The following STAB2 variants were observed in gnomAD, a reference collection of about 807,000 sequenced individuals.
STAB2 encodes stabilin-2.
A neutral mutation model predicts 338.1 loss-of-function variants in STAB2; 288 were observed. The ratio of observed to expected loss-of-function variants is 0.85; its 90% CI spans 0.77 to 0.94. STAB2 has a LOEUF of 0.94. Among genes scored for constraint, STAB2 ranks in the 40% least tolerant of loss-of-function variants. STAB2 has a pLI of 0.00. For missense variants in STAB2, 3,141 were observed against 3,210.1 expected, an observed-to-expected ratio of 0.98 and a Z score of 0.52; for synonymous variants, 1,202 against 1,193.3, an observed-to-expected ratio of 1.01 and a Z score of -0.15.
intron 22 of STAB2, among the ~76,000 whole-genome samples, chr12:103,671,203 G>A (rs1450748896): frequency 6.6e-6 from 1 of 152,178 alleles, no homozygotes; most frequent in African/African-American, 2.4e-5. Context: ...TGTAATCCCA[G>A]CACTTTGGGA....
rs1202673508 is a variant in STAB2 at position 103,695,666 on chromosome 12, T to C, written c.3474+18T>C. 1.2e-6 allele frequency: 2 copies of C among 1,614,074 alleles called. No individual in the cohort carries two copies. The highest frequency in any genetic ancestry group is 2.7e-5 in the African/African-American group (2 of 74,928). Reference sequence around the variant, plus strand: ...ACATCATTGCAAGTACCACATTCTCTGCCTGACCACCATGCTCAGGTTACC... The same window carrying C: ...ACATCATTGCAAGTACCACATTCTCCGCCTGACCACCATGCTCAGGTTACC... On this transcript the variant is annotated intron_variant, in intron 32 of 68. Transcript: ENST00000388887.
At chr12:103,764,539 T>C (rs1348141763) in intron 68 of STAB2, among the ~76,000 whole-genome samples, 5 of 152,248 alleles carry the variant, frequency 3.3e-5, no homozygotes, top group African/African-American at 4.8e-5. Flanking sequence ...TGTAGTTTAA[T>C]ACCAGTTCTC....
At chr12:103,656,954 G>A (rs1267739610) in intron 15 of STAB2, among the ~76,000 whole-genome samples, 2 of 151,886 alleles carry the variant, frequency 1.3e-5, no homozygotes. Flanking sequence ...CCAAAGTGCT[G>A]GGATTACAGG....
intron 20 of STAB2, 60 bp from the exon 21 acceptor site, chr12:103,669,481 C>T (rs1875516464): frequency 2.1e-6 from 3 of 1,397,976 alleles, no homozygotes; most frequent in South Asian, 1.2e-5. Context: ...AATGCATCCC[C>T]TTTGAGGAAT....
At chr12:103,684,968 C>T (rs1393213958) in intron 26 of STAB2, 21 bp from the exon 27 acceptor site, 2 of 1,611,242 alleles carry the variant, frequency 1.2e-6, no homozygotes, top group Non-Finnish European at 1.7e-6. Flanking sequence ...GTAACCATTT[C>T]TTTCATCTTG....
At chr12:103,621,098 C>G (rs927703410) in intron 4 of STAB2, among the ~76,000 whole-genome samples, 1 of 151,516 alleles carries the variant, frequency 6.6e-6, no homozygotes, top group Non-Finnish European at 1.5e-5. Context: ...ACTCTGTCCA[C>G]CCCCACCCAA....
At chr12:103,588,043 C>T (rs1009417988) in intron 1 of STAB2, among the ~76,000 whole-genome samples, 1 of 152,156 alleles carries the variant, frequency 6.6e-6, no homozygotes, top group African/African-American at 2.4e-5. Context: ...AGTAAAAGTT[C>T]CCAGGGAGGT....
At chr12:103,762,165 T>G (rs1593358163) in intron 66 of STAB2, 109 bp from the exon 67 acceptor site, 2 of 1,446,014 alleles carry the variant, frequency 1.4e-6, no homozygotes, top group East Asian at 4.6e-5. Context: ...TGTTAACATG[T>G]CAGTATTTTT....
At chr12:103,765,276 A>G (rs1884855847) in intron 68 of STAB2, among the ~76,000 whole-genome samples, 1 of 152,136 alleles carries the variant, frequency 6.6e-6, no homozygotes, top group Admixed American at 6.5e-5. Context: ...ACCATGCATG[A>G]AAGATTTACC....
chr12:103,670,822 C>A lies in STAB2; in HGVS notation c.2371+15C>A. Reference sequence around the variant, plus strand: ...GTGTAACAAAAGTAAGTGGCACTTCCAGAGCTTCCTTCCACTCCTAAGCAA... The same window carrying A: ...GTGTAACAAAAGTAAGTGGCACTTCAAGAGCTTCCTTCCACTCCTAAGCAA... On this transcript the variant is annotated intron_variant, in intron 22 of 68. Transcript: ENST00000388887. 6.2e-7 allele frequency: 1 copy of A among 1,603,538 alleles called. No individual in the cohort carries two copies.
intron 52 of STAB2, among the ~76,000 whole-genome samples, chr12:103,736,975 C>G (rs1882181101): frequency 6.6e-6 from 1 of 152,106 alleles, no homozygotes; most frequent in Non-Finnish European, 1.5e-5. Flanking sequence ...AATAATATCT[C>G]CAAAGCCCAG....
intron 65 of STAB2, among the ~76,000 whole-genome samples, chr12:103,760,104 GTTC>G (rs753049015): frequency 2.6e-5 from 4 of 152,292 alleles, no homozygotes; most frequent in South Asian, 2.1e-4. Flanking sequence ...CAGTAAGGAT[GTTC>G]TTCTCTTCTG....
Position 103,677,460 on chromosome 12 carries a change from G to A in STAB2, c.2654G>A (p.Cys885Tyr). 2 of 1,608,976 alleles carry A rather than the reference G, an allele frequency of 1.2e-6. No homozygotes were observed. Among genetic ancestry groups the A allele is most frequent in the Non-Finnish European group, 1.7e-6 (2 of 1,175,658 alleles). ...TTTCTTTTCCTCCTGCAGGCAGAAT[G>A]CATCAAAACTGGCACGGGCACCCAC... ...TPGGCSRNAE[C>Y]IKTGTGTHTC... Residue 885 changes from cysteine to tyrosine, a missense_variant, in exon 25 of 69, where the codon TGC (cysteine) becomes TAC (tyrosine). Transcript: ENST00000388887.
At chr12:103,720,725 G>T (rs982336705) in intron 44 of STAB2, among the ~76,000 whole-genome samples, 3 of 152,130 alleles carry the variant, frequency 2.0e-5, no homozygotes, top group African/African-American at 7.2e-5. Flanking sequence ...GTTCATTTGT[G>T]CTGCTTTAAC....
chr12:103,688,207 T>G lies in STAB2; in HGVS notation c.3037T>G (p.Trp1013Gly). 6.2e-7 allele frequency: 1 copy of G among 1,613,522 alleles called. No homozygotes were observed. Among genetic ancestry groups the G allele is most frequent in the Non-Finnish European group, 8.5e-7 (1 of 1,179,458 alleles). The stretch of plus-strand genomic sequence containing the variant: ...CTCCGAAGCAGCTATATTTAACCGA[T>G]GGATAAATGTGAGTACCTTTATTGG... ...FLSEAAIFNR[W>G]INNASLQPTL... The change falls in exon 28 of 69, where the codon TGG (tryptophan) becomes GGG (glycine). Residue 1013 changes from tryptophan (W) to glycine (G), a missense_variant. Coordinates refer to ENST00000388887, the MANE Select transcript of STAB2 (RefSeq NM_017564.10).
chr12:103,728,996 G>A lies in STAB2; in HGVS notation c.5082+1G>A, dbSNP rs1255489436. 2 of 1,613,746 alleles carry A rather than the reference G, an allele frequency of 1.2e-6. No homozygotes were observed. Among genetic ancestry groups the A allele is most frequent in the Non-Finnish European group, 8.5e-7 (1 of 1,179,784 alleles). On this transcript the variant is annotated splice_donor_variant, in intron 48 of 68. Coordinates refer to ENST00000388887, the MANE Select transcript of STAB2 (RefSeq NM_017564.10). LOFTEE classifies it high-confidence loss of function. ...GCCAATAGTCATCTCCGTCTCTCAG[G>A]TAGATGCCAGTTATCCTTAGGTCCT... is the stretch of plus-strand genomic sequence containing the variant.
chr12:103,731,553 G>A (rs771864271), intron 49 of STAB2, 23 bp from the exon 50 acceptor site: 1 of 1,611,766 alleles, frequency 6.2e-7, no homozygotes, highest in South Asian at 1.1e-5. Flanking sequence ...AAAGTTTCAT[G>A]CCCATTCTTA....
At chr12:103,711,663 C>G in intron 40 of STAB2, 147 bp downstream of exon 40, 1 of 910,774 alleles carries the variant, frequency 1.1e-6, no homozygotes, top group Non-Finnish European at 1.7e-6. Flanking sequence ...CTAAAAATAT[C>G]TCTGAAGAGG....
intron 5 of STAB2, among the ~76,000 whole-genome samples, chr12:103,624,339 C>A (rs1957348725): frequency 6.6e-6 from 1 of 152,168 alleles, no homozygotes; most frequent in South Asian, 2.1e-4. Flanking sequence ...AATGAATTAT[C>A]TAGCTTGCTC....
Sources: gnomAD v4.1 joint callset for allele counts (sites outside exome capture counted in the v4.1 genomes callset) on GRCh38, gnomAD v4.1.1 for gene constraint, MANE v1.5 for transcripts, NCBI Gene and HGNC (gene_info 2026-07-23, HGNC 2026-07-21) for gene names.